CEP83: variants seen among roughly 807,000 people sequenced by gnomAD.
CEP83 encodes the protein centrosomal protein 83, also known as centrosomal protein of 83 kDa.
In CEP83, 70 loss-of-function variants were observed where a neutral mutation model predicts 101.9. The ratio of observed to expected loss-of-function variants is 0.69; its 90% CI spans 0.57 to 0.84. The LOEUF is 0.84. Among genes scored for constraint, CEP83 ranks in the 40% least tolerant of loss-of-function variants. The probability of loss-of-function intolerance (pLI) is 0.00; values close to 1 mark genes in which losing one functional copy is unlikely to be tolerated. For missense variants in CEP83, 715 were observed against 787.2 expected (o/e 0.91, Z 1.10); for synonymous variants, 264 against 267.9 (o/e 0.99, Z 0.14).
intron 4 of CEP83, among the ~76,000 whole-genome samples, chr12:94,410,523 C>A (rs2063814215): frequency 6.6e-6 from 1 of 152,064 alleles, no homozygotes; most frequent in African/African-American, 2.4e-5. Context: ...CTACTCCAGC[C>A]TTCTGGATGT....
At chr12:94,289,486 T>C in the CEP83 span, among the ~76,000 whole-genome samples, 1 of 152,178 alleles carries the variant, frequency 6.6e-6, no homozygotes, top group African/African-American at 2.4e-5. Flanking sequence ...CTAGTGACAT[T>C]AATCTTTCTT....
Position 94,411,515 on chromosome 12 carries a change from C to T in CEP83, c.324+182G>A, listed in dbSNP as rs1361909010. Among the ~76,000 whole-genome samples the T allele has an allele frequency of 2.6e-5, 4 of 152,108 alleles. No homozygotes were observed. The Middle Eastern group carries it at 0.014, about 517-fold the overall frequency. ...TACATAAAATAACAGTTTCATGGCT[C>T]CCTTACATGGTAGCTAACATTCTAA... On this transcript the variant is annotated intron_variant, in intron 4 of 16. Transcript: ENST00000397809.
intron 11 of CEP83, among the ~76,000 whole-genome samples, chr12:94,361,804 C>A (rs2060776637): frequency 6.6e-6 from 1 of 152,008 alleles, no homozygotes; most frequent in Non-Finnish European, 1.5e-5. Flanking sequence ...TGAGTTCAAG[C>A]AATTCTCCTG....
the CEP83 span, among the ~76,000 whole-genome samples, chr12:94,276,216 A>G: frequency 6.6e-6 from 1 of 152,228 alleles, no homozygotes; most frequent in Admixed American, 6.5e-5. Context: ...AGCTCCGATT[A>G]AAAGGTGCCT....
chr12:94,318,385 A>G (rs1052541235), intron 14 of CEP83, among the ~76,000 whole-genome samples: 1 of 152,142 alleles, frequency 6.6e-6, no homozygotes, highest in African/African-American at 2.4e-5. Flanking sequence ...CTCTCCTCCT[A>G]CTTGGATGCC....
At chr12:94,420,891 C>A (rs892151010) in intron 2 of CEP83, among the ~76,000 whole-genome samples, 2 of 152,060 alleles carry the variant, frequency 1.3e-5, no homozygotes, top group Non-Finnish European at 2.9e-5. Context: ...AAGAAAGGAA[C>A]TATATTATCA....
chr12:94,322,676 G>A (rs967355418), intron 14 of CEP83, among the ~76,000 whole-genome samples: 2 of 152,176 alleles, frequency 1.3e-5, no homozygotes. Context: ...TGAGATCCAG[G>A]AGCCACATGA....
intron 6 of CEP83, among the ~76,000 whole-genome samples, chr12:94,379,645 C>G (rs1383284027): frequency 6.6e-6 from 1 of 152,000 alleles, no homozygotes; most frequent in African/African-American, 2.4e-5. Context: ...GTTAAAGTCA[C>G]TGGGGAACTT....
intron 14 of CEP83, among the ~76,000 whole-genome samples, chr12:94,315,354 T>TA (rs758162019): frequency 2.0e-5 from 3 of 152,184 alleles, no homozygotes; most frequent in Non-Finnish European, 4.4e-5. Flanking sequence ...CATCTTTTTT[T>TA]ATGCATGTTA....
In CEP83 at chr12:94,384,540, T is replaced by A. The variant is rs147334767; in HGVS notation, c.550-5498A>T. Among the ~76,000 whole-genome samples the A allele has an allele frequency of 4.2e-3, 641 of 152,278 alleles. 2 individuals carry two copies. Among genetic ancestry groups the A allele is most frequent in the African/African-American group, 0.014 (592 of 41,552 alleles). Reference sequence around the variant, plus strand: ...TTTCAGGGACAGAAATCTTAGATCTTTTGTTATAGTCCTACAGGATACTGA... The same window carrying A: ...TTTCAGGGACAGAAATCTTAGATCTATTGTTATAGTCCTACAGGATACTGA... On this transcript the variant is annotated intron_variant, in intron 6 of 16. Coordinates refer to ENST00000397809, the MANE Select transcript of CEP83 (RefSeq NM_016122.3).
At chr12:94,296,160 G>A in the CEP83 span, among the ~76,000 whole-genome samples, 15,065 of 151,862 alleles carry the variant, frequency 0.099, 864 homozygotes, top group Admixed American at 0.15. Flanking sequence ...AGATGTGCTC[G>A]TCTCTCTCAT....
chr12:94,400,617 C>A (rs2063194386), intron 6 of CEP83, among the ~76,000 whole-genome samples: 1 of 151,012 alleles, frequency 6.6e-6, no homozygotes, highest in South Asian at 2.1e-4. Context: ...AGTTGTCTAT[C>A]TCCATTGGCT....
chr12:94,313,528 A>T (rs371489025), intron 14 of CEP83, among the ~76,000 whole-genome samples: 3 of 27,628 alleles, frequency 1.1e-4, no homozygotes, highest in Non-Finnish European at 2.1e-4. Flanking sequence ...AGAACCCATT[A>T]AAAAAAAAAA....
intron 6 of CEP83, among the ~76,000 whole-genome samples, chr12:94,385,526 G>A (rs2062092499): frequency 6.6e-6 from 1 of 152,224 alleles, no homozygotes; most frequent in Admixed American, 6.5e-5. Context: ...TTGGTATTAG[G>A]ATAATGCTGG....
intron 4 of CEP83, among the ~76,000 whole-genome samples, chr12:94,407,742 A>C (rs2063629874): frequency 6.6e-6 from 1 of 152,172 alleles, no homozygotes; most frequent in Admixed American, 6.5e-5. Context: ...CACATAAACC[A>C]AGACACCGAC....
At chr12:94,306,887 A>G (rs1969081377), downstream of CEP83, 1 of 151,296 alleles carries the variant, frequency 6.6e-6, no homozygotes, top group Admixed American at 6.6e-5. Flanking sequence ...ACACACCTCA[A>G]ACAAACAAAA....
Position 94,378,319 on chromosome 12 carries a change from C to A in CEP83, c.801+472G>T, listed in dbSNP as rs538069801. On this transcript the variant is annotated intron_variant, in intron 7 of 16. Coordinates refer to ENST00000397809, the MANE Select transcript of CEP83 (RefSeq NM_016122.3). ...AAATAATTCTGTAAAGGCATGTATA[C>A]CTTTACAGTTGGATTTTACTACTCT... Among the ~76,000 whole-genome samples the A allele has an allele frequency of 9.2e-5, 14 of 152,136 alleles. No homozygotes were observed. In the East Asian group the frequency reaches 2.7e-3, roughly 29 times the overall value.
rs1969270299 is a variant in CEP83 at position 94,308,111 on chromosome 12, T to C, written c.*702A>G. The C allele has an allele frequency of 6.6e-6, 1 of 152,228 alleles. No individual in the cohort carries two copies. Among genetic ancestry groups the C allele is most frequent in the Non-Finnish European group, 1.5e-5 (1 of 68,032 alleles). 9.4% of individuals were successfully genotyped at this position (152,228 alleles called of 1,614,324 possible). On this transcript the variant is annotated 3_prime_UTR_variant, in exon 17 of 17. Coordinates refer to ENST00000397809, the MANE Select transcript of CEP83 (RefSeq NM_016122.3). ...GGGAAGTAAAGTTAAATACCAACAA[T>C]GTTTATAAAAGGACCTGAGTTCAAG...
intron 11 of CEP83, among the ~76,000 whole-genome samples, chr12:94,340,878 G>C (rs1038629466): frequency 6.6e-6 from 1 of 152,186 alleles, no homozygotes; most frequent in Non-Finnish European, 1.5e-5. Context: ...TAAGAGAGGA[G>C]GAATAAAAGA....
Sources: gnomAD v4.1 joint callset for allele counts (sites outside exome capture counted in the v4.1 genomes callset) on GRCh38, gnomAD v4.1.1 for gene constraint, MANE v1.5 for transcripts, NCBI Gene and HGNC (gene_info 2026-07-23, HGNC 2026-07-21) for gene names.